Variants in CYP19A1 observed in about 807,000 individuals in gnomAD.
CYP19A1 encodes the protein cytochrome P450 family 19 subfamily A member 1.
Under a neutral mutation model 44.4 loss-of-function variants are expected in CYP19A1, and 32 were observed. That is an observed-to-expected ratio of 0.72 (90% CI 0.54 to 0.97). The LOEUF is 0.97. Among genes scored for constraint, CYP19A1 ranks in the 50% least tolerant of loss-of-function variants. The probability of loss-of-function intolerance (pLI) is 0.00; values close to 1 mark genes in which losing one functional copy is unlikely to be tolerated. For synonymous variants in CYP19A1, 212 were observed against 215.6 expected (o/e 0.98, Z 0.14); for missense variants, 598 against 637.8 (o/e 0.94, Z 0.67).
chr15:51,257,777 C>G (rs531157890), intron 1 of CYP19A1, among the ~76,000 whole-genome samples: 8 of 152,138 alleles, frequency 5.3e-5, no homozygotes, highest in African/African-American at 1.9e-4. Flanking sequence ...TTTCCCCTAA[C>G]TTTTCAAGGT....
chr15:51,270,196 G>A (rs1408534734), intron 1 of CYP19A1, among the ~76,000 whole-genome samples: 1 of 132,716 alleles, frequency 7.5e-6, no homozygotes, highest in Non-Finnish European at 1.7e-5. Flanking sequence ...TTTTTTTTTG[G>A]TACTACTGTG....
intron 1 of CYP19A1, among the ~76,000 whole-genome samples, chr15:51,334,381 G>A (rs897856604): frequency 1.3e-5 from 2 of 152,146 alleles, no homozygotes; most frequent in African/African-American, 4.8e-5. Context: ...CCGTTCACAG[G>A]CTTATTATGG....
chr15:51,330,852 G>A (rs1257474490), intron 1 of CYP19A1, among the ~76,000 whole-genome samples: 1 of 152,194 alleles, frequency 6.6e-6, no homozygotes, highest in African/African-American at 2.4e-5. Context: ...AAGTAAGATT[G>A]ACCTTTAGAC....
intron 2 of CYP19A1, among the ~76,000 whole-genome samples, chr15:51,237,213 A>T (rs1315346636): frequency 6.6e-6 from 1 of 152,228 alleles, no homozygotes; most frequent in African/African-American, 2.4e-5. Flanking sequence ...CTTCTCCATG[A>T]GTAAAAAGGA....
chr15:51,242,912 TC>T lies in CYP19A1; in HGVS notation c.-1del. On this transcript the variant is annotated 5_prime_UTR_variant, in exon 2 of 10. Coordinates refer to ENST00000396402, the MANE Select transcript of CYP19A1 (RefSeq NM_000103.4). Reference sequence around the variant, plus strand: ...ATCGGGTTCAGCATTTCCAAAACCATCTTGTGTTCCTTGACCTCAGAGGGGG... The same window carrying T: ...ATCGGGTTCAGCATTTCCAAAACCATTTGTGTTCCTTGACCTCAGAGGGGG... The T allele has an allele frequency of 6.2e-7, 1 of 1,609,420 alleles. No individual in the cohort carries two copies. Among genetic ancestry groups the T allele is most frequent in the Non-Finnish European group, 8.5e-7 (1 of 1,175,784 alleles).
rs1375368004 is a variant in CYP19A1, at chr15:51,266,828, C to G, written c.-38-23878G>C. Among the ~76,000 whole-genome samples the G allele has an allele frequency of 4.6e-5, 7 of 152,252 alleles. No homozygotes were observed. The South Asian group carries it at 1.0e-3, about 23-fold the overall frequency. ...GTCTTCCCTTCCGCTCTTTTGGTGCCGTTGAGTCGTTGTCTGACTAGAGGA... is the reference window on the plus strand; with the variant it reads ...GTCTTCCCTTCCGCTCTTTTGGTGCGGTTGAGTCGTTGTCTGACTAGAGGA... On this transcript the variant is annotated intron_variant, in intron 1 of 9. Coordinates refer to ENST00000396402, the MANE Select transcript of CYP19A1 (RefSeq NM_000103.4).
chr15:51,245,202 G>T (rs1566892447), intron 1 of CYP19A1, among the ~76,000 whole-genome samples: 2 of 152,174 alleles, frequency 1.3e-5, no homozygotes, highest in African/African-American at 4.8e-5. Context: ...GAAAAGTGAG[G>T]ACTGTTTGTG....
At chr15:51,258,127 C>T (rs1400087245) in intron 1 of CYP19A1, among the ~76,000 whole-genome samples, 1 of 152,214 alleles carries the variant, frequency 6.6e-6, no homozygotes, top group African/African-American at 2.4e-5. Flanking sequence ...GTCCCTTTGA[C>T]TGCCTCTTGC....
chr15:51,331,110 A>C (rs537519345), intron 1 of CYP19A1, among the ~76,000 whole-genome samples: 7 of 152,290 alleles, frequency 4.6e-5, no homozygotes, highest in African/African-American at 1.7e-4. Context: ...TTCTAAACCA[A>C]TCGGGTGGTA....
chr15:51,219,178 AT>A (rs1301608442), intron 5 of CYP19A1, among the ~76,000 whole-genome samples: 1 of 152,014 alleles, frequency 6.6e-6, no homozygotes, highest in African/African-American at 2.4e-5. Context: ...TGCTTTATTC[AT>A]TTTTCCCCCA....
At chr15:51,223,634 C>T (rs2032329258) in intron 4 of CYP19A1, among the ~76,000 whole-genome samples, 1 of 151,118 alleles carries the variant, frequency 6.6e-6, no homozygotes, top group Non-Finnish European at 1.5e-5. Flanking sequence ...CACACACACA[C>T]ACTGGGTTAA....
At chr15:51,233,175 A>G (rs1349785272) in intron 3 of CYP19A1, among the ~76,000 whole-genome samples, 1 of 152,108 alleles carries the variant, frequency 6.6e-6, no homozygotes, top group Non-Finnish European at 1.5e-5. Context: ...CGTCTCTACA[A>G]CTGGTCCTCC....
At chr15:51,261,093 G>A (rs182042291) in intron 1 of CYP19A1, among the ~76,000 whole-genome samples, 7 of 152,316 alleles carry the variant, frequency 4.6e-5, no homozygotes, top group Admixed American at 3.3e-4. Flanking sequence ...TCGGGCTAGA[G>A]GCTCGCCATT....
At chr15:51,244,420 C>A (rs1331173334) in intron 1 of CYP19A1, among the ~76,000 whole-genome samples, 1 of 151,874 alleles carries the variant, frequency 6.6e-6, no homozygotes, top group Non-Finnish European at 1.5e-5. Flanking sequence ...CTTTGAGATT[C>A]TCTCCTGAAA....
intron 1 of CYP19A1, chr15:51,323,982 G>A (rs913922801): frequency 6.6e-6 from 1 of 152,252 alleles, no homozygotes; most frequent in Non-Finnish European, 1.5e-5. Context: ...TCTGTGTGGA[G>A]TTTTCTACGT....
At chr15:51,269,281 C>T (rs8042086) in intron 1 of CYP19A1, among the ~76,000 whole-genome samples, 66,334 of 151,788 alleles carry the variant, frequency 0.44, 14,648 homozygotes, top group African/African-American at 0.46. Flanking sequence ...AGGCCCTTTT[C>T]CCCCCTCAAA....
chr15:51,317,152 A>G (rs150711354), intron 1 of CYP19A1, among the ~76,000 whole-genome samples: 1 of 151,284 alleles, frequency 6.6e-6, no homozygotes, highest in Non-Finnish European at 1.5e-5. Context: ...CCCAGGCTAG[A>G]GTGCAATAGC....
At chr15:51,212,209 G>T in intron 9 of CYP19A1, 111 bp downstream of exon 9, 1 of 838,292 alleles carries the variant, frequency 1.2e-6, no homozygotes, top group Non-Finnish European at 2.1e-6. Flanking sequence ...GTGGCAGAGG[G>T]AATGAGTAAG....
chr15:51,301,251 C>T (rs922066715), intron 1 of CYP19A1, among the ~76,000 whole-genome samples: 3 of 152,214 alleles, frequency 2.0e-5, no homozygotes, highest in African/African-American at 4.8e-5. Flanking sequence ...TATGTTGCCT[C>T]CTCTCTCTGA....
Sources: allele counts gnomAD v4.1 joint callset (sites outside exome capture counted in the v4.1 genomes callset), GRCh38; gene constraint gnomAD v4.1.1; transcripts MANE v1.5; gene names NCBI Gene and HGNC (gene_info 2026-07-23, HGNC 2026-07-21).